BMP8A: variants seen among roughly 807,000 people sequenced by gnomAD.
BMP8A encodes BMP-8A.
In BMP8A, 14 loss-of-function variants were observed where a neutral mutation model predicts 36.8. The ratio of observed to expected loss-of-function variants is 0.38; its 90% confidence interval spans 0.25 to 0.60. The LOEUF (loss-of-function observed/expected upper bound fraction) is 0.60. BMP8A is among the 20% of genes least tolerant of loss of function. The pLI is 0.63. For missense variants in BMP8A, 267 were observed against 551.1 expected, an observed-to-expected ratio of 0.48 and a Z score of 5.16; for synonymous variants, 120 against 237.7, an observed-to-expected ratio of 0.50 and a Z score of 4.55.
chr1:39,493,014 A>G (rs917602173), intron 1 of BMP8A, among the ~76,000 whole-genome samples: 4 of 152,222 alleles, frequency 2.6e-5, no homozygotes, highest in African/African-American at 9.7e-5. Context: ...CCTGTCTGCA[A>G]ACATCTTGTA....
chr1:39,494,033 C>T (rs1645184002), intron 1 of BMP8A, among the ~76,000 whole-genome samples: 1 of 152,218 alleles, frequency 6.6e-6, no homozygotes. Flanking sequence ...CTTGGTTGCT[C>T]CTTATAAAAG....
chr1:39,501,718 C>T (rs1645255262), intron 1 of BMP8A, among the ~76,000 whole-genome samples: 1 of 152,182 alleles, frequency 6.6e-6, no homozygotes, highest in Non-Finnish European at 1.5e-5. Flanking sequence ...CCTGCCTGGC[C>T]TCCCAAAGTG....
chr1:39,505,001 A>C (rs967603567), intron 1 of BMP8A, among the ~76,000 whole-genome samples: 3 of 152,226 alleles, frequency 2.0e-5, no homozygotes, highest in African/African-American at 7.2e-5. Context: ...TCTCACCTCC[A>C]GCCATAAGGT....
chr1:39,510,740 C>T (rs1433568505), intron 1 of BMP8A, among the ~76,000 whole-genome samples: 9 of 152,210 alleles, frequency 5.9e-5, no homozygotes, highest in African/African-American at 1.9e-4. Flanking sequence ...TCGGTTATGT[C>T]GGTTATGTCC....
At chr1:39,496,539 T>C (rs1016193218) in intron 1 of BMP8A, among the ~76,000 whole-genome samples, 6 of 152,218 alleles carry the variant, frequency 3.9e-5, no homozygotes, top group African/African-American at 1.4e-4. Context: ...ACTCATCTTA[T>C]GGGACTGTTC....
At chr1:39,523,332 G>A (rs951417254) in intron 6 of BMP8A, among the ~76,000 whole-genome samples, 15 of 152,268 alleles carry the variant, frequency 9.9e-5, no homozygotes, top group Middle Eastern at 3.4e-3. Context: ...ACCCAAACAC[G>A]GACACACGTG....
In BMP8A at chr1:39,515,774, G is replaced by C; in HGVS notation, c.673+3870G>C. 8 of 1,592,900 alleles carry C rather than the reference G, an allele frequency of 5.0e-6. 1 individual carries two copies. Among genetic ancestry groups the C allele is most frequent in the South Asian group, 4.4e-5 (4 of 90,122 alleles). On this transcript the variant is annotated intron_variant, in intron 3 of 6. Coordinates refer to ENST00000331593, the MANE Select transcript of BMP8A (RefSeq NM_181809.4). ...GGGGCAGAAATACGAGAAACGAATT[G>C]AGCGCTTAACGATCCGGAAAGAGGA...
intron 1 of BMP8A, among the ~76,000 whole-genome samples, chr1:39,504,027 C>T (rs372756428): frequency 3.3e-5 from 5 of 152,278 alleles, no homozygotes; most frequent in South Asian, 4.1e-4. Flanking sequence ...AGTGGAGAAA[C>T]CTGGCAGACA....
At chr1:39,508,055 T>C (rs1390936905) in intron 1 of BMP8A, among the ~76,000 whole-genome samples, 1 of 152,100 alleles carries the variant, frequency 6.6e-6, no homozygotes, top group African/African-American at 2.4e-5. Context: ...ATCGAGACCA[T>C]CCTGGCTAAC....
chr1:39,515,991 C>G lies in BMP8A; in HGVS notation c.673+4087C>G. On this transcript the variant is annotated intron_variant, in intron 3 of 6. Transcript: ENST00000331593. Reference sequence around the variant, plus strand: ...ATCCTGGGCCTGGGCCCGTTTCCCACGGAAGATGAGGTGGATGCCGACCTC... The same window carrying G: ...ATCCTGGGCCTGGGCCCGTTTCCCAGGGAAGATGAGGTGGATGCCGACCTC... 14 of 1,333,458 alleles carry G rather than the reference C, an allele frequency of 1.0e-5. 1 individual carries two copies. In the South Asian group the frequency reaches 1.9e-4, roughly 18 times the overall value. The allele number at this position is 1,333,458 out of a possible 1,614,324, so 82.6% of individuals were successfully genotyped here.
intron 6 of BMP8A, 69 bp from the exon 7 acceptor site, chr1:39,525,580 C>A: frequency 6.4e-7 from 1 of 1,569,302 alleles, no homozygotes. Context: ...GGAGCTGGGG[C>A]GGGGCTAGGT....
chr1:39,526,395 G>A lies in BMP8A; in HGVS notation c.*597G>A, dbSNP rs1645483921. On this transcript the variant is annotated 3_prime_UTR_variant, in exon 7 of 7. Transcript: ENST00000331593. ...ACTCTGTCACCCAGGCTGGAGTGCAGTGGTGCAATCCTGGCTCACTGCAAC... is the reference window on the plus strand; with the variant it reads ...ACTCTGTCACCCAGGCTGGAGTGCAATGGTGCAATCCTGGCTCACTGCAAC... Among the ~76,000 whole-genome samples the A allele has an allele frequency of 6.6e-6, 1 of 150,714 alleles. No individual in the cohort carries two copies. The highest frequency in any genetic ancestry group is 1.5e-5 in the Non-Finnish European group (1 of 67,848).
intron 6 of BMP8A, 92 bp from the exon 7 acceptor site, chr1:39,525,557 G>T: frequency 6.6e-7 from 1 of 1,505,284 alleles, no homozygotes. Flanking sequence ...GATGGCCAGG[G>T]CAGGGAGCAG....
chr1:39,498,039 G>C (rs994662946), intron 1 of BMP8A, among the ~76,000 whole-genome samples: 2 of 152,176 alleles, frequency 1.3e-5, no homozygotes, highest in African/African-American at 2.4e-5. Context: ...TGAACTCCAG[G>C]GCCACTCATT....
At chr1:39,493,135 T>G (rs1645175775) in intron 1 of BMP8A, among the ~76,000 whole-genome samples, 1 of 152,232 alleles carries the variant, frequency 6.6e-6, no homozygotes, top group Admixed American at 6.5e-5. Flanking sequence ...CCGTCTGCTT[T>G]GCCTCCTGTC....
At chr1:39,497,482 C>T (rs548709277) in intron 1 of BMP8A, among the ~76,000 whole-genome samples, 299 of 152,310 alleles carry the variant, frequency 2.0e-3, no homozygotes, top group Non-Finnish European at 3.2e-3. Flanking sequence ...ATACACTTAC[C>T]TCCATTTTTG....
chr1:39,511,068 T>C, intron 1 of BMP8A, 106 bp from the exon 2 acceptor site: 2 of 1,531,660 alleles, frequency 1.3e-6, no homozygotes, highest in Non-Finnish European at 1.8e-6. Context: ...CTGGGTCCGC[T>C]CCACCTTGAG....
At chr1:39,504,004 A>G (rs554064601) in intron 1 of BMP8A, among the ~76,000 whole-genome samples, 1 of 152,378 alleles carries the variant, frequency 6.6e-6, no homozygotes, top group Non-Finnish European at 1.5e-5. Context: ...AAAATGAAAA[A>G]TCGTGACATT....
At chr1:39,509,834 G>A (rs1164842655) in intron 1 of BMP8A, among the ~76,000 whole-genome samples, 2 of 152,184 alleles carry the variant, frequency 1.3e-5, no homozygotes, top group Non-Finnish European at 2.9e-5. Context: ...GCACTGGGCG[G>A]CTCCCACCCC....
Sources: allele counts gnomAD v4.1 joint callset (sites outside exome capture counted in the v4.1 genomes callset), GRCh38; gene constraint gnomAD v4.1.1; transcripts MANE v1.5; gene names NCBI Gene and HGNC (gene_info 2026-07-23, HGNC 2026-07-21).